YIPF4: variants seen among roughly 807,000 people sequenced by gnomAD.
YIPF4 encodes the protein Yip1 domain family member 4, also known as protein YIPF4.
YIPF4 carries 18 observed loss-of-function variants against 29.4 expected under a neutral mutation model. That is an observed-to-expected ratio of 0.61 (90% confidence interval 0.42 to 0.91). YIPF4 has a LOEUF of 0.91. Among genes scored for constraint, YIPF4 ranks in the 40% least tolerant of loss-of-function variants. The pLI is 0.00. For missense variants in YIPF4, 279 were observed against 282.7 expected, an observed-to-expected ratio of 0.99 and a Z score of 0.09; for synonymous variants, 115 against 104.7, an observed-to-expected ratio of 1.10 and a Z score of -0.60.
rs2030606820 is a variant in YIPF4, at chr2:32,285,045, C to CT, written c.80-5437dup. ...ATGGATTGGAAGGAGACAAGAATGA[C>CT]TGGGGGGAGGGCAGTTTGTACACCA... is the stretch of plus-strand genomic sequence containing the variant. On this transcript the variant is annotated intron_variant, in intron 1 of 5. Coordinates refer to ENST00000238831, the MANE Select transcript of YIPF4 (RefSeq NM_032312.4). Among the ~76,000 whole-genome samples, 4 of 152,140 alleles carry CT rather than the reference C, an allele frequency of 2.6e-5. No homozygotes were observed. In the South Asian group the frequency reaches 8.3e-4, roughly 32 times the overall value.
At chr2:32,288,964 AC>A (rs961165822) in intron 1 of YIPF4, among the ~76,000 whole-genome samples, 4 of 152,310 alleles carry the variant, frequency 2.6e-5, no homozygotes, top group Non-Finnish European at 5.9e-5. Flanking sequence ...AGGCTCTGAT[AC>A]AAAAAAAAGA....
chr2:32,299,286 A>G (rs905610292), intron 4 of YIPF4, among the ~76,000 whole-genome samples: 27 of 152,208 alleles, frequency 1.8e-4, no homozygotes, highest in African/African-American at 4.3e-4. Flanking sequence ...AAAAATAACC[A>G]TATTTTCCAA....
At chr2:32,294,422 C>G (rs1459567243) in intron 3 of YIPF4, among the ~76,000 whole-genome samples, 1 of 151,808 alleles carries the variant, frequency 6.6e-6, no homozygotes, top group Non-Finnish European at 1.5e-5. Flanking sequence ...TCCTCACATC[C>G]CAGACGGGGC....
chr2:32,293,901 C>A (rs1312849887), intron 3 of YIPF4, among the ~76,000 whole-genome samples: 4 of 145,174 alleles, frequency 2.8e-5, no homozygotes, highest in Non-Finnish European at 3.0e-5. Flanking sequence ...GCTGACCCCC[C>A]CCACCTCCCT....
intron 3 of YIPF4, among the ~76,000 whole-genome samples, chr2:32,297,024 T>C (rs1274332157): frequency 6.6e-6 from 1 of 152,210 alleles, no homozygotes; most frequent in Non-Finnish European, 1.5e-5. Flanking sequence ...TTTCAACATA[T>C]CCCATTCTTT....
intron 2 of YIPF4, 124 bp from the exon 3 acceptor site, chr2:32,292,053 C>T: frequency 1.8e-6 from 1 of 553,676 alleles, no homozygotes; most frequent in Non-Finnish European, 2.9e-6. Flanking sequence ...ACTTCAAATG[C>T]AAATGTTTTG....
Position 32,306,630 on chromosome 2 carries a change from ACTCT to A in YIPF4, c.*1007_*1010del, listed in dbSNP as rs2148968795. ...CTTGATATTTTAACAAGTATCAGGTACTCTCTAACAAATGTACAGTTTTTGCTAA... is the reference window on the plus strand; with the variant it reads ...CTTGATATTTTAACAAGTATCAGGTACTAACAAATGTACAGTTTTTGCTAA... On this transcript the variant is annotated 3_prime_UTR_variant, in exon 6 of 6. Coordinates refer to ENST00000238831, the MANE Select transcript of YIPF4 (RefSeq NM_032312.4). The A allele has an allele frequency of 2.0e-6, 2 of 978,810 alleles. No homozygotes were observed. Among genetic ancestry groups the A allele is most frequent in the East Asian group, 1.1e-4 (1 of 8,792 alleles). The allele number at this position is 978,810 out of a possible 1,614,324, so 60.6% of individuals were successfully genotyped here. A position where few individuals can be genotyped will look rare whatever the true frequency, so the allele number is the denominator to read the frequency against.
intron 2 of YIPF4, among the ~76,000 whole-genome samples, 188 bp from the exon 3 acceptor site, chr2:32,291,989 T>G (rs2030938198): frequency 1.3e-5 from 2 of 152,214 alleles, no homozygotes. Flanking sequence ...ATGTCCCACA[T>G]TTAGAGATAT....
At position 32,294,427 on chromosome 2, in the gene YIPF4, C is replaced by T. The variant is rs544347184; in HGVS notation, c.405+2079C>T. ...GCAGAGGCGCTCCTCACATCCCAGA[C>T]GGGGCGGCGGGGCAAAGGCGCTCCC... is the stretch of plus-strand genomic sequence containing the variant. On this transcript the variant is annotated intron_variant, in intron 3 of 5. Coordinates refer to ENST00000238831, the MANE Select transcript of YIPF4 (RefSeq NM_032312.4). Among the ~76,000 whole-genome samples, 402 of 151,098 alleles carry T rather than the reference C, an allele frequency of 2.7e-3. 1 individual carries two copies. The highest frequency in any genetic ancestry group is 9.4e-3 in the African/African-American group (385 of 41,064).
chr2:32,291,615 A>G (rs376212537), intron 2 of YIPF4, among the ~76,000 whole-genome samples: 4 of 152,204 alleles, frequency 2.6e-5, no homozygotes, highest in African/African-American at 9.6e-5. Flanking sequence ...GTTATTTTAC[A>G]TATTAATTAA....
At position 32,311,319 on chromosome 2, in the gene YIPF4, A is replaced by C. The variant is rs546745145; in HGVS notation, c.*5693A>C. Reference sequence around the variant, plus strand: ...CCCTATACAAGGCATATGTTATTAAACATGAAATTTAGGATTAGTTTTCTC... The same window carrying C: ...CCCTATACAAGGCATATGTTATTAACCATGAAATTTAGGATTAGTTTTCTC... On this transcript the variant is annotated 3_prime_UTR_variant, in exon 6 of 6. Coordinates refer to ENST00000238831, the MANE Select transcript of YIPF4 (RefSeq NM_032312.4). 2 of 152,358 alleles carry C rather than the reference A, an allele frequency of 1.3e-5. No individual in the cohort carries two copies. The highest frequency in any genetic ancestry group is 4.8e-5 in the African/African-American group (2 of 41,588). 9.4% of individuals were successfully genotyped at this position (152,358 alleles called of 1,614,324 possible).
intron 3 of YIPF4, among the ~76,000 whole-genome samples, chr2:32,297,767 C>T (rs773182285): frequency 3.3e-5 from 5 of 152,104 alleles, no homozygotes; most frequent in Non-Finnish European, 7.4e-5. Context: ...CAGACAGCTT[C>T]AAAATACAAA....
At chr2:32,303,654 C>T (rs1225971185) in intron 5 of YIPF4, among the ~76,000 whole-genome samples, 1 of 152,150 alleles carries the variant, frequency 6.6e-6, no homozygotes, top group Non-Finnish European at 1.5e-5. Context: ...CCATTGTACT[C>T]CAGTGTAGGT....
In YIPF4 at chr2:32,310,186, T is replaced by C. The variant is rs2031689347; in HGVS notation, c.*4560T>C. 6.6e-6 allele frequency: 1 copy of C among 152,140 alleles called. No homozygotes were observed. The highest frequency in any genetic ancestry group is 2.4e-5 in the African/African-American group (1 of 41,434). The allele number at this position is 152,140 out of a possible 1,614,324, so 9.4% of individuals were successfully genotyped here. On this transcript the variant is annotated 3_prime_UTR_variant, in exon 6 of 6. Coordinates refer to ENST00000238831, the MANE Select transcript of YIPF4 (RefSeq NM_032312.4). ...TGAACCTTTGAGCCTTATACTATTT[T>C]TAAATTTCCCTTTAAAAATTGAATT...
At chr2:32,298,678 C>A (rs1025016908) in intron 4 of YIPF4, among the ~76,000 whole-genome samples, 22 of 152,034 alleles carry the variant, frequency 1.4e-4, no homozygotes, top group Admixed American at 9.8e-4. Flanking sequence ...CCTGCCTCAG[C>A]CTTCCGAGTA....
At chr2:32,282,569 A>T (rs956728383) in intron 1 of YIPF4, among the ~76,000 whole-genome samples, 2 of 151,996 alleles carry the variant, frequency 1.3e-5, no homozygotes, top group Admixed American at 1.3e-4. Context: ...AGTAGCTGGG[A>T]TTACAGGCTC....
At chr2:32,279,265 C>T (rs2030268815) in intron 1 of YIPF4, among the ~76,000 whole-genome samples, 1 of 151,954 alleles carries the variant, frequency 6.6e-6, no homozygotes, top group Non-Finnish European at 1.5e-5. Context: ...GCCACCGCGC[C>T]CCGGCCATTT....
At chr2:32,295,027 G>T (rs1298753061) in intron 3 of YIPF4, among the ~76,000 whole-genome samples, 2 of 149,828 alleles carry the variant, frequency 1.3e-5, no homozygotes, top group African/African-American at 2.5e-5. Context: ...GTACAGTCCA[G>T]CTTCGGCTCG....
chr2:32,292,614 G>A (rs567700842), intron 3 of YIPF4, among the ~76,000 whole-genome samples: 1 of 152,142 alleles, frequency 6.6e-6, no homozygotes, highest in Admixed American at 6.5e-5. Flanking sequence ...TGTAATCCCA[G>A]CACTTTGGGA....
Sources: allele counts gnomAD v4.1 joint callset (sites outside exome capture counted in the v4.1 genomes callset), GRCh38; gene constraint gnomAD v4.1.1; transcripts MANE v1.5; gene names NCBI Gene and HGNC (gene_info 2026-07-23, HGNC 2026-07-21).